Variants in SEC14L1 observed in about 807,000 individuals in gnomAD.
SEC14L1 encodes SEC14 like lipid binding 1.
SEC14L1 carries 48 observed loss-of-function variants against 85.3 expected under a neutral mutation model. The ratio of observed to expected loss-of-function variants is 0.56; its 90% confidence interval spans 0.45 to 0.72. The LOEUF is 0.72. Ranked by LOEUF, SEC14L1 falls within the 30% of genes least tolerant of loss-of-function variation. The pLI, the probability that SEC14L1 is intolerant of heterozygous loss-of-function variation, is 0.00. For synonymous variants in SEC14L1, 391 were observed against 355.5 expected, an observed-to-expected ratio of 1.10 and a Z score of -1.12; for missense variants, 682 against 921.4, an observed-to-expected ratio of 0.74 and a Z score of 3.36.
At chr17:77,136,435 T>C (rs79751421), upstream of SEC14L1, among the ~76,000 whole-genome samples, 1,610 of 152,266 alleles carry the variant, frequency 0.011, 43 homozygotes, top group Admixed American at 0.038. Context: ...ATTTTAATAG[T>C]TTGATTGTAT....
At chr17:77,124,708 AG>A (rs1972391281) in intron 3 of SEC14L1, among the ~76,000 whole-genome samples, 1 of 152,190 alleles carries the variant, frequency 6.6e-6, no homozygotes, top group African/African-American at 2.4e-5. Context: ...TGAGGGTTGG[AG>A]TGAGTGAGGC....
At chr17:77,131,285 T>A (rs1972602892) in intron 3 of SEC14L1, among the ~76,000 whole-genome samples, 1 of 152,160 alleles carries the variant, frequency 6.6e-6, no homozygotes, top group African/African-American at 2.4e-5. Flanking sequence ...CTCTCTTTTT[T>A]TGAGATGGAG....
intron 3 of SEC14L1, among the ~76,000 whole-genome samples, chr17:77,153,049 A>G (rs1368897722): frequency 6.6e-6 from 1 of 152,124 alleles, no homozygotes; most frequent in Admixed American, 6.6e-5. Flanking sequence ...GCCACCCTTT[A>G]GCAGTTCTCT....
intron 3 of SEC14L1, among the ~76,000 whole-genome samples, chr17:77,149,285 T>C (rs1973452580): frequency 6.6e-6 from 1 of 152,234 alleles, no homozygotes; most frequent in Admixed American, 6.5e-5. Flanking sequence ...TTTGTCTTGT[T>C]CTCCCAAGCG....
intron 8 of SEC14L1, among the ~76,000 whole-genome samples, chr17:77,197,273 A>G (rs1374700984): frequency 6.6e-6 from 1 of 152,194 alleles, no homozygotes; most frequent in Non-Finnish European, 1.5e-5. Flanking sequence ...TGGTAAACAC[A>G]TGGCCACGGA....
At chr17:77,147,957 T>C (rs1419437410) in intron 3 of SEC14L1, among the ~76,000 whole-genome samples, 1 of 152,178 alleles carries the variant, frequency 6.6e-6, no homozygotes, top group Non-Finnish European at 1.5e-5. Context: ...CACTGATTGA[T>C]TGTGCCTTAA....
intron 9 of SEC14L1, among the ~76,000 whole-genome samples, chr17:77,202,043 G>A (rs1401319564): frequency 5.9e-5 from 9 of 152,060 alleles, no homozygotes; most frequent in Admixed American, 5.2e-4. Context: ...GGGACTGTGC[G>A]GCAGGAGGCT....
In SEC14L1 at chr17:77,214,860, C is replaced by T; in HGVS notation, c.*837C>T. 1 of 985,472 alleles carries T rather than the reference C, an allele frequency of 1.0e-6. No individual in the cohort carries two copies. Among genetic ancestry groups the T allele is most frequent in the Non-Finnish European group, 1.2e-6 (1 of 829,962 alleles). The allele number at this position is 985,472 out of a possible 1,614,324, so 61.0% of individuals were successfully genotyped here. A position where few individuals can be genotyped will look rare whatever the true frequency, so the allele number is the denominator to read the frequency against. Reference sequence around the variant, plus strand: ...CCCAGTGTAGGCCATCTCCTCTGTGCCCTCTGGTGGCTCATTGTCCTCAGA... The same window carrying T: ...CCCAGTGTAGGCCATCTCCTCTGTGTCCTCTGGTGGCTCATTGTCCTCAGA... On this transcript the variant is annotated 3_prime_UTR_variant, in exon 17 of 17. Coordinates refer to ENST00000436233, the MANE Select transcript of SEC14L1 (RefSeq NM_001143998.2).
chr17:77,197,840 AAGT>A (rs1044438607), intron 8 of SEC14L1, among the ~76,000 whole-genome samples: 4 of 152,230 alleles, frequency 2.6e-5, no homozygotes, highest in Admixed American at 6.5e-5. Context: ...TCCTGACCTC[AAGT>A]GATCCGCCTG....
chr17:77,128,435 ATT>A (rs1972516567), intron 3 of SEC14L1, among the ~76,000 whole-genome samples: 1 of 40,740 alleles, frequency 2.5e-5, no homozygotes, highest in African/African-American at 1.0e-4. Flanking sequence ...ATTTTATTTT[ATT>A]TTATTTTATT....
At chr17:77,196,443 C>T (rs939593126) in intron 8 of SEC14L1, 132 bp downstream of exon 8, 4 of 605,762 alleles carry the variant, frequency 6.6e-6, no homozygotes, top group Middle Eastern at 2.6e-4. Context: ...GTTTAGAAGT[C>T]ATTGAATTTA....
intron 10 of SEC14L1, among the ~76,000 whole-genome samples, chr17:77,204,435 G>A (rs1443195524): frequency 1.3e-5 from 2 of 150,486 alleles, no homozygotes; most frequent in African/African-American, 4.9e-5. Flanking sequence ...GGTCAGGCTG[G>A]TCTCGAACTC....
intron 3 of SEC14L1, among the ~76,000 whole-genome samples, chr17:77,159,382 CTT>C (rs763082986): frequency 1.2e-4 from 14 of 118,140 alleles, no homozygotes; most frequent in Admixed American, 1.7e-4. Context: ...TCTTCTTCTT[CTT>C]TTTTTTTTTT....
rs561748999 is a variant in SEC14L1, at chr17:77,132,325, C to T, written c.-135-10321C>T. On this transcript the variant is annotated intron_variant, in intron 3 of 19. Coordinates refer to the SEC14L1 transcript ENST00000392476. ...GCACCCTCCAACTCCTGGGTTCAAG[C>T]GATTGTCCTGCCTCAGCCTCCCAAG... 6.0e-5 allele frequency among the ~76,000 whole-genome samples: 9 copies of T among 150,966 alleles called. No homozygotes were observed. The East Asian group carries it at 1.8e-3, about 29-fold the overall frequency.
At chr17:77,112,541 G>T (rs1972070455) in intron 3 of SEC14L1, among the ~76,000 whole-genome samples, 2 of 152,138 alleles carry the variant, frequency 1.3e-5, no homozygotes, top group Non-Finnish European at 2.9e-5. Context: ...GGACAGCCCT[G>T]AGAAGTGCAT....
chr17:77,199,607 T>C (rs1976013716), intron 8 of SEC14L1: 1 of 152,374 alleles, frequency 6.6e-6, no homozygotes, highest in Non-Finnish European at 1.5e-5. Context: ...TGTCCTGCTC[T>C]CTCTTTATTC....
At chr17:77,191,612 G>A (rs142190977) in intron 5 of SEC14L1, among the ~76,000 whole-genome samples, 3 of 151,888 alleles carry the variant, frequency 2.0e-5, no homozygotes, top group South Asian at 2.1e-4. Context: ...GTGCAATCTC[G>A]GCTCACTGCA....
chr17:77,216,463 C>G lies in SEC14L1; in HGVS notation c.*2440C>G. On this transcript the variant is annotated 3_prime_UTR_variant, in exon 17 of 17. Coordinates refer to ENST00000436233, the MANE Select transcript of SEC14L1 (RefSeq NM_001143998.2). ...AGGTAGGGTTAGTAGCGCGTCTGTGCTGCTTCCACCTGGTGCTTCCTGTTC... is the reference window on the plus strand; with the variant it reads ...AGGTAGGGTTAGTAGCGCGTCTGTGGTGCTTCCACCTGGTGCTTCCTGTTC... 1.2e-6 allele frequency: 2 copies of G among 1,610,488 alleles called. No homozygotes were observed. The highest frequency in any genetic ancestry group is 1.7e-6 in the Non-Finnish European group (2 of 1,177,832).
chr17:77,166,090 A>T (rs1974266261), intron 3 of SEC14L1, among the ~76,000 whole-genome samples: 1 of 152,162 alleles, frequency 6.6e-6, no homozygotes, highest in Non-Finnish European at 1.5e-5. Flanking sequence ...AACAGTAGCC[A>T]CACTTATTGA....
Sources: gnomAD v4.1 joint callset for allele counts (sites outside exome capture counted in the v4.1 genomes callset) on GRCh38, gnomAD v4.1.1 for gene constraint, MANE v1.5 for transcripts, NCBI Gene and HGNC (gene_info 2026-07-23, HGNC 2026-07-21) for gene names.